Variants in PPAN observed in about 807,000 individuals in gnomAD.
PPAN encodes the protein suppressor of SWI4 1 homolog.
A neutral mutation model predicts 48.5 loss-of-function variants in PPAN; 39 were observed. The observed-to-expected ratio is 0.80, with a 90% CI of 0.62 to 1.05. The LOEUF (loss-of-function observed/expected upper bound fraction) is 1.05, where lower values mean the gene tolerates loss of function less well. Among genes scored for constraint, PPAN ranks in the 50% least tolerant of loss-of-function variants. The probability of loss-of-function intolerance (pLI) is 0.00; values close to 1 mark genes in which losing one functional copy is unlikely to be tolerated. For synonymous variants in PPAN, 315 were observed against 268.6 expected (o/e 1.17, Z -1.69); for missense variants, 736 against 661.7 (o/e 1.11, Z -1.23).
At chr19:10,109,792 G>T (rs1340943015) in intron 6 of PPAN, 85 bp downstream of exon 6, 1 of 1,587,248 alleles carries the variant, frequency 6.3e-7, no homozygotes, top group South Asian at 1.1e-5. Context: ...CTGCTGAGAC[G>T]CTGTGATTGC....
chr19:10,106,751 A>G (rs1014539812), intron 2 of PPAN, 80 bp downstream of exon 2: 1 of 1,459,312 alleles, frequency 6.9e-7, no homozygotes, highest in African/African-American at 1.4e-5. Flanking sequence ...CCGCTGTAAA[A>G]CTGTGGGAGG....
chr19:10,107,575 TC>T lies in PPAN; in HGVS notation c.262del (p.Leu88Ter). 6.2e-7 allele frequency: 1 copy of T among 1,614,126 alleles called. No homozygotes were observed. Among genetic ancestry groups the T allele is most frequent in the Non-Finnish European group, 8.5e-7 (1 of 1,180,014 alleles). ...CCCCTCGGGGTCACACACTTTCTGA[TC>T]CTGAGCAAAACAGAGACCAATGTCT... ...AGPLGVTHFLILSKTETNVYF... is the reference protein window; with the variant it reads ...AGPLGVTHFLXLSKTETNVYF... On this transcript the variant is annotated frameshift_variant, in exon 3 of 12. Coordinates refer to ENST00000253107, the MANE Select transcript of PPAN (RefSeq NM_020230.7). LOFTEE classifies it high-confidence loss of function.
intron 2 of PPAN, among the ~76,000 whole-genome samples, chr19:10,107,274 T>C (rs762231827): frequency 2.0e-5 from 3 of 152,200 alleles, no homozygotes; most frequent in Non-Finnish European, 4.4e-5. Flanking sequence ...TTAACCTCTC[T>C]GGGCCTGAGT....
upstream of PPAN, chr19:10,106,248 T>G (rs2145194508): frequency 7.2e-7 from 1 of 1,398,338 alleles, no homozygotes; most frequent in Non-Finnish European, 9.5e-7. Context: ...CCGCTCCATC[T>G]GATTGCCCCT....
chr19:10,107,471 C>CT, intron 2 of PPAN, 34 bp from the exon 3 acceptor site: 2 of 1,606,030 alleles, frequency 1.2e-6, no homozygotes, highest in African/African-American at 1.3e-5. Context: ...AAGGGATAAG[C>CT]TATGTTTTCT....
At chr19:10,108,719 T>C (rs2145203177) in intron 5 of PPAN, among the ~76,000 whole-genome samples, 1 of 147,378 alleles carries the variant, frequency 6.8e-6, no homozygotes, top group Non-Finnish European at 1.5e-5. Context: ...GCCACTCTAC[T>C]CCATCCTGGG....
intron 6 of PPAN, 76 bp from the exon 7 acceptor site, chr19:10,109,837 A>G (rs2088982098): frequency 6.3e-7 from 1 of 1,598,500 alleles, no homozygotes. Context: ...GCACTGTGGG[A>G]AGGGTGAGAT....
At chr19:10,107,673 C>G (rs2088881253) in intron 3 of PPAN, 67 bp downstream of exon 3, 2 of 1,582,028 alleles carry the variant, frequency 1.3e-6, no homozygotes, top group Non-Finnish European at 1.7e-6. Context: ...ATGATGAACA[C>G]ATATGCCTCT....
intron 6 of PPAN, 27 bp downstream of exon 6, chr19:10,109,734 GA>G (rs2088976653): frequency 6.2e-7 from 1 of 1,609,620 alleles, no homozygotes; most frequent in Non-Finnish European, 8.5e-7. Flanking sequence ...GATGGGAGAC[GA>G]GGGGGTGCCG....
chr19:10,110,424 G>GT lies in PPAN; in HGVS notation c.901+23dup. 1 of 1,612,854 alleles carries GT rather than the reference G, an allele frequency of 6.2e-7. No homozygotes were observed. The highest frequency in any genetic ancestry group is 8.5e-7 in the Non-Finnish European group (1 of 1,179,912). On this transcript the variant is annotated intron_variant, in intron 9 of 11. Coordinates refer to ENST00000253107, the MANE Select transcript of PPAN (RefSeq NM_020230.7). This position sits in a 1 kb window ranked among gnomAD's most constrained non-coding sequence, Gnocchi z 5.9. ...TTTGGTGAGGCCGGGGCCGCCGGGGGTGGGGGGTCATGGGTGTGGAGCTGC... is the reference window on the plus strand; with the variant it reads ...TTTGGTGAGGCCGGGGCCGCCGGGGGTTGGGGGGTCATGGGTGTGGAGCTGC...
rs770325352 is a variant in PPAN at position 10,110,293 on chromosome 19, G to A, written c.823-31G>A. On this transcript the variant is annotated intron_variant, in intron 8 of 11. Coordinates refer to ENST00000253107, the MANE Select transcript of PPAN (RefSeq NM_020230.7). This position sits in a 1 kb window ranked among gnomAD's most constrained non-coding sequence, Gnocchi z 5.9. ...CCCCCGGGCTCCACCAGTCCCAACG[G>A]TGGGCTGACGCTTCTTCCTCGTCCC... 6.2e-7 allele frequency: 1 copy of A among 1,613,242 alleles called. No individual in the cohort carries two copies. The highest frequency in any genetic ancestry group is 1.3e-5 in the African/African-American group (1 of 74,942).
Position 10,111,321 on chromosome 19 carries a change from G to A in PPAN, c.*156G>A, listed in dbSNP as rs959022077. Reference sequence around the variant, plus strand: ...AGGGGTCCACGTCAGCGTTTGGGATGGGGGATTCTGGAGCCATACAAAGCA... The same window carrying A: ...AGGGGTCCACGTCAGCGTTTGGGATAGGGGATTCTGGAGCCATACAAAGCA... On this transcript the variant is annotated 3_prime_UTR_variant, in exon 12 of 12. Transcript: ENST00000253107. 2 of 952,552 alleles carry A rather than the reference G, an allele frequency of 2.1e-6. No individual in the cohort carries two copies. Among genetic ancestry groups the A allele is most frequent in the South Asian group, 1.8e-5 (1 of 56,556 alleles). 59.0% of individuals were successfully genotyped at this position (952,552 alleles called of 1,614,324 possible).
intron 2 of PPAN, 67 bp downstream of exon 2, chr19:10,106,738 C>T: frequency 6.8e-7 from 1 of 1,471,598 alleles, no homozygotes; most frequent in Admixed American, 2.2e-5. Flanking sequence ...GCAGTAATGG[C>T]TCCCGCTGTA....
upstream of PPAN, chr19:10,106,307 CA>C (rs979196160): frequency 5.7e-5 from 88 of 1,540,662 alleles, no homozygotes; most frequent in African/African-American, 1.0e-3. Context: ...GATGTCGTCC[CA>C]CGCCGTGCCG....
chr19:10,110,135 G>C lies in PPAN; in HGVS notation c.711G>C (p.Leu237=). 6.2e-7 allele frequency: 1 copy of C among 1,610,570 alleles called. No homozygotes were observed. Among genetic ancestry groups the C allele is most frequent in the Non-Finnish European group, 8.5e-7 (1 of 1,179,926 alleles). Residue 237 remains leucine (L), a synonymous_variant, in exon 8 of 12, where the codon CTG becomes CTC. Coordinates refer to ENST00000253107, the MANE Select transcript of PPAN (RefSeq NM_020230.7). The surrounding 1 kb of genome is among the most constrained non-coding windows in gnomAD (Gnocchi z 5.9). The part of the protein sequence containing the change: ...ISELLATGAG[L]SESEAEPDGD... ...GTCCTACACACAGGGGCGCGGGGCT[G>C]TCGGAGAGCGAGGCAGAGCCTGACG...
chr19:10,110,367 G>C lies in PPAN; in HGVS notation c.866G>C (p.Gly289Ala), dbSNP rs775952135. 2 of 1,613,818 alleles carry C rather than the reference G, an allele frequency of 1.2e-6. No homozygotes were observed. The highest frequency in any genetic ancestry group is 1.7e-6 in the Non-Finnish European group (2 of 1,179,988). The change falls in exon 9 of 12, where the codon GGC becomes GCC. Residue 289 changes from glycine to alanine, a missense_variant. Transcript: ENST00000253107. The surrounding 1 kb of genome is among the most constrained non-coding windows in gnomAD (Gnocchi z 5.9). ...CTGCAGCTCATCAAGGTCCAGGAGG[G>C]CGTCGGGGAGGGCAAAGTGATGTTC... Reference protein sequence around the residue: ...MTLQLIKVQEGVGEGKVMFHS... With the variant: ...MTLQLIKVQEAVGEGKVMFHS...
chr19:10,111,575 CGT>C lies in PPAN; in HGVS notation c.*412_*413del, dbSNP rs2089078058. The C allele has an allele frequency of 6.4e-6, 6 of 931,286 alleles. No homozygotes were observed. The highest frequency in any genetic ancestry group is 8.4e-6 in the Non-Finnish European group (5 of 591,914). 57.7% of individuals were successfully genotyped at this position (931,286 alleles called of 1,614,324 possible). ...GGTTGTGGCACAATGAGGAAGGAAA[CGT>C]GGGTGGAAAGGCACGCTGGCCTGCT... On this transcript the variant is annotated 3_prime_UTR_variant, in exon 12 of 12. Transcript: ENST00000253107.
Position 10,110,534 on chromosome 19 carries a change from G to A in PPAN, c.951G>A (p.Lys317=), listed in dbSNP as rs1447740902. The part of the protein sequence containing the change: ...ELQAILEAKE[K]KLRLKAQRQA... Reference sequence around the variant, plus strand: ...AGGCCATCCTGGAAGCCAAGGAGAAGAAGCTGCGGCTGAAGGCGCAGAGGC... The same window carrying A: ...AGGCCATCCTGGAAGCCAAGGAGAAAAAGCTGCGGCTGAAGGCGCAGAGGC... Residue 317 remains lysine (K), a synonymous_variant, in exon 10 of 12, where the codon AAG becomes AAA. Transcript: ENST00000253107. This position sits in a 1 kb window ranked among gnomAD's most constrained non-coding sequence, Gnocchi z 5.9. 6 of 1,611,912 alleles carry A rather than the reference G, an allele frequency of 3.7e-6. No homozygotes were observed. Among genetic ancestry groups the A allele is most frequent in the Non-Finnish European group, 5.1e-6 (6 of 1,179,690 alleles).
intron 2 of PPAN, chr19:10,106,874 C>A: frequency 1.2e-6 from 1 of 847,032 alleles, no homozygotes; most frequent in Non-Finnish European, 1.8e-6. Context: ...TAGATAGTCG[C>A]CTAAGCCTGA....
Sources: gnomAD v4.1 joint callset for allele counts (sites outside exome capture counted in the v4.1 genomes callset) on GRCh38, gnomAD v4.1.1 for gene constraint, Gnocchi (gnomAD v3.1) non-coding constraint, MANE v1.5 for transcripts, NCBI Gene and HGNC (gene_info 2026-07-23, HGNC 2026-07-21) for gene names.